The following CMPK1 variants were observed in gnomAD, a reference collection of about 807,000 sequenced individuals.
CMPK1 encodes the protein UMP-CMP kinase.
Under a neutral mutation model 25.7 loss-of-function variants are expected in CMPK1, and 10 were observed. The ratio of observed to expected loss-of-function variants is 0.39; its 90% CI spans 0.24 to 0.66. The LOEUF (loss-of-function observed/expected upper bound fraction) is 0.66, where lower values mean the gene tolerates loss of function less well. Ranked by LOEUF, CMPK1 falls within the 30% of genes least tolerant of loss-of-function variation. The pLI, the probability that CMPK1 is intolerant of heterozygous loss-of-function variation, is 0.48. For synonymous variants in CMPK1, 106 were observed against 101.5 expected (o/e 1.04, Z -0.27); for missense variants, 199 against 280.5 (o/e 0.71, Z 2.08).
chr1:47,357,991 C>T lies in CMPK1; in HGVS notation c.172-10478C>T, dbSNP rs190887229. On this transcript the variant is annotated intron_variant, in intron 1 of 5. Coordinates refer to ENST00000371873, the MANE Select transcript of CMPK1 (RefSeq NM_016308.3). ...CAGTTTGGTATTTCTGTTCCTCTAT[C>T]GGCGTGTAATTTGTAGTTAAGCCAC... Among the ~76,000 whole-genome samples the T allele has an allele frequency of 2.6e-5, 4 of 151,252 alleles. 1 individual carries two copies. The East Asian group carries it at 7.8e-4, about 30-fold the overall frequency.
chr1:47,340,718 A>G (rs1570350821), intron 1 of CMPK1, among the ~76,000 whole-genome samples: 1 of 151,828 alleles, frequency 6.6e-6, no homozygotes, highest in East Asian at 1.9e-4. Flanking sequence ...GCTCACCACA[A>G]CCTCTGCCTC....
At chr1:47,362,898 T>C (rs1444054250) in intron 1 of CMPK1, among the ~76,000 whole-genome samples, 2 of 152,204 alleles carry the variant, frequency 1.3e-5, no homozygotes, top group Non-Finnish European at 2.9e-5. Context: ...AATGATAAGC[T>C]TCCTTTAAGA....
intron 1 of CMPK1, among the ~76,000 whole-genome samples, chr1:47,343,602 G>GT (rs1337957951): frequency 1.3e-5 from 2 of 151,868 alleles, no homozygotes; most frequent in Non-Finnish European, 2.9e-5. Context: ...TGTGATATTG[G>GT]TTGTTGAGTT....
intron 1 of CMPK1, among the ~76,000 whole-genome samples, chr1:47,356,003 G>T (rs545383657): frequency 6.6e-6 from 1 of 152,260 alleles, no homozygotes; most frequent in South Asian, 2.1e-4. Context: ...TACTTATGAT[G>T]CCTTTCTTTG....
rs559753135 is a variant in CMPK1 at position 47,334,570 on chromosome 1, C to T, written c.171+454C>T. Among the ~76,000 whole-genome samples, 415 of 152,326 alleles carry T rather than the reference C, an allele frequency of 2.7e-3. 3 individuals carry two copies. Among genetic ancestry groups the T allele is most frequent in the African/African-American group, 9.1e-3 (379 of 41,582 alleles). On this transcript the variant is annotated intron_variant, in intron 1 of 5. Transcript: ENST00000371873. ...ACCTATTTTTCTTCTCCGCGCCTTC[C>T]CTCTGGTTCCCTAAACTCCGCACTG...
chr1:47,364,758 G>A (rs2405918), intron 1 of CMPK1, among the ~76,000 whole-genome samples: 145,613 of 149,528 alleles, frequency 0.97, 70,987 homozygotes, highest in East Asian at 1. Context: ...TATACATTAT[G>A]TGAATTTATA....
At chr1:47,338,107 T>C (rs537802358) in intron 1 of CMPK1, among the ~76,000 whole-genome samples, 1 of 152,316 alleles carries the variant, frequency 6.6e-6, no homozygotes, top group African/African-American at 2.4e-5. Flanking sequence ...TGGCTGAAGC[T>C]AATGCAGCTC....
intron 1 of CMPK1, among the ~76,000 whole-genome samples, chr1:47,355,421 A>G (rs1296841360): frequency 7.4e-6 from 1 of 135,648 alleles, no homozygotes; most frequent in Non-Finnish European, 1.5e-5. Flanking sequence ...ATCTCTGCTC[A>G]CTTCTGCCTC....
chr1:47,334,235 GCCACCGCGCCGC>G (rs1646378800), intron 1 of CMPK1, 119 bp downstream of exon 1: 1 of 987,168 alleles, frequency 1.0e-6, no homozygotes. Context: ...AGTCCCGGCG[GCCACCGCGCCGC>G]CCGCGTGGCA....
At chr1:47,344,503 CT>C (rs550380651) in intron 1 of CMPK1, among the ~76,000 whole-genome samples, 188 of 144,258 alleles carry the variant, frequency 1.3e-3, no homozygotes, top group Middle Eastern at 3.7e-3. Context: ...ATTATTTTTT[CT>C]TTTTTTTTTT....
intron 1 of CMPK1, among the ~76,000 whole-genome samples, chr1:47,349,854 G>A (rs1459745669): frequency 6.6e-6 from 1 of 152,192 alleles, no homozygotes; most frequent in Non-Finnish European, 1.5e-5. Context: ...TGACCAGGCT[G>A]GAGTGCAGTG....
chr1:47,345,635 A>G (rs1463913808), intron 1 of CMPK1, among the ~76,000 whole-genome samples: 1 of 151,648 alleles, frequency 6.6e-6, no homozygotes, highest in African/African-American at 2.4e-5. Flanking sequence ...CTGGGACTAC[A>G]GGTGCCCACC....
intron 1 of CMPK1, among the ~76,000 whole-genome samples, chr1:47,344,945 C>T (rs1035483579): frequency 1.3e-5 from 2 of 152,042 alleles, no homozygotes; most frequent in African/African-American, 4.8e-5. Flanking sequence ...TACAAGGACT[C>T]TGGCTCTGTT....
intron 1 of CMPK1, among the ~76,000 whole-genome samples, chr1:47,350,193 C>T (rs549309859): frequency 7.2e-4 from 109 of 152,156 alleles, no homozygotes; most frequent in African/African-American, 2.5e-3. Flanking sequence ...CCTGCCTCAG[C>T]CTCCCAAAGT....
chr1:47,370,556 G>A (rs180709804), intron 2 of CMPK1, among the ~76,000 whole-genome samples: 210 of 151,218 alleles, frequency 1.4e-3, no homozygotes, highest in Non-Finnish European at 2.4e-3. Flanking sequence ...CAGAAGAATC[G>A]CATGAACCTG....
In CMPK1 at chr1:47,374,889, A is replaced by G; in HGVS notation, c.472-20A>G. The G allele has an allele frequency of 6.4e-7, 1 of 1,568,178 alleles. No homozygotes were observed. The highest frequency in any genetic ancestry group is 8.7e-7 in the Non-Finnish European group (1 of 1,144,032). On this transcript the variant is annotated intron_variant, in intron 3 of 5. Coordinates refer to ENST00000371873, the MANE Select transcript of CMPK1 (RefSeq NM_016308.3). ...GCAAATTCATATCTATATTTTTAAT[A>G]ACTTTGTATCTCTTTTTAGATTTGT...
rs572049483 is a variant in CMPK1 at position 47,341,302 on chromosome 1, G to C, written c.171+7186G>C. 5.9e-5 allele frequency among the ~76,000 whole-genome samples: 9 copies of C among 152,240 alleles called. No homozygotes were observed. The South Asian group carries it at 1.9e-3, about 32-fold the overall frequency. ...AAGTGAGATTAGTGTATTTTTTGCT[G>C]ACTGTATCATAGATATCCTTTCAGT... is the stretch of plus-strand genomic sequence containing the variant. On this transcript the variant is annotated intron_variant, in intron 1 of 5. Coordinates refer to ENST00000371873, the MANE Select transcript of CMPK1 (RefSeq NM_016308.3).
Position 47,334,093 on chromosome 1 carries a change from A to G in CMPK1, c.148A>G (p.Thr50Ala). ...CGGCGGCCCCGGCGCCGGCAAGGGG[A>G]CCCAGTGCGCCCGCATCGTCGAGGT... ...VLGGPGAGKG[T>A]QCARIVEKYG... The change falls in exon 1 of 6, where the codon ACC (threonine) becomes GCC (alanine). Residue 50 changes from threonine (T) to alanine (A), a missense_variant. Physicochemically the swap from Thr to Ala is moderately conservative, Grantham distance 58. This residue lies in a region of CMPK1 where 140 missense variants were observed against 235.5 expected (regional missense o/e 0.59). Coordinates refer to ENST00000371873, the MANE Select transcript of CMPK1 (RefSeq NM_016308.3). 1.3e-6 allele frequency: 2 copies of G among 1,524,344 alleles called. No homozygotes were observed. Among genetic ancestry groups the G allele is most frequent in the Non-Finnish European group, 1.8e-6 (2 of 1,134,480 alleles). 94.4% of individuals were successfully genotyped at this position (1,524,344 alleles called of 1,614,324 possible).
In CMPK1 at chr1:47,342,137, A is replaced by G. The variant is rs749942436; in HGVS notation, c.171+8021A>G. ...TGCTCTGCCACCCAGGCTAGAGTGC[A>G]GTGGGGTGATCTCGGCTCACTGCAA... is the stretch of plus-strand genomic sequence containing the variant. On this transcript the variant is annotated intron_variant, in intron 1 of 5. Coordinates refer to ENST00000371873, the MANE Select transcript of CMPK1 (RefSeq NM_016308.3). Among the ~76,000 whole-genome samples the G allele has an allele frequency of 2.1e-4, 32 of 151,568 alleles. 1 individual carries two copies. Among genetic ancestry groups the G allele is most frequent in the South Asian group, 2.1e-4 (1 of 4,786 alleles).
Sources: gnomAD v4.1 joint callset for allele counts (sites outside exome capture counted in the v4.1 genomes callset) on GRCh38, gnomAD v4.1.1 for gene constraint, gnomAD v4.1.1 regional missense constraint, MANE v1.5 for transcripts, NCBI Gene and HGNC (gene_info 2026-07-23, HGNC 2026-07-21) for gene names.